TMTC1: variants seen among roughly 807,000 people sequenced by gnomAD.
TMTC1 encodes protein O-mannosyl-transferase TMTC1.
In TMTC1, 73 loss-of-function variants were observed where a neutral mutation model predicts 104.8. That is an observed-to-expected ratio of 0.70 (90% CI 0.58 to 0.85). The LOEUF (loss-of-function observed/expected upper bound fraction) is 0.85. Ranked by LOEUF, TMTC1 falls within the 40% of genes least tolerant of loss-of-function variation. The probability of loss-of-function intolerance (pLI) is 0.00; values close to 1 mark genes in which losing one functional copy is unlikely to be tolerated. For synonymous variants in TMTC1, 434 were observed against 428.7 expected (o/e 1.01, Z -0.15); for missense variants, 1,035 against 1,096.1 (o/e 0.94, Z 0.79).
At chr12:29,695,793 T>TATATATATATATATATATATATA (rs1555188366) in intron 5 of TMTC1, among the ~76,000 whole-genome samples, 7 of 83,794 alleles carry the variant, frequency 8.4e-5, no homozygotes, top group East Asian at 3.4e-4. Flanking sequence ...TACTTCCTTT[T>TATATATATATATATATATATATA]TATATATATA....
At chr12:29,702,311 A>C (rs1941616843) in intron 5 of TMTC1, among the ~76,000 whole-genome samples, 2 of 152,210 alleles carry the variant, frequency 1.3e-5, no homozygotes, top group African/African-American at 2.4e-5. Flanking sequence ...AATTTGTATT[A>C]GTTATCTCTG....
chr12:29,547,977 GAGCAGTGA>G (rs1442482547), intron 10 of TMTC1, among the ~76,000 whole-genome samples: 2 of 152,224 alleles, frequency 1.3e-5, no homozygotes, highest in African/African-American at 4.8e-5. Context: ...AAAGCTGGCA[GAGCAGTGA>G]ATGCACTAGA....
At chr12:29,512,878 A>C (rs917645022) in intron 16 of TMTC1, among the ~76,000 whole-genome samples, 3 of 152,216 alleles carry the variant, frequency 2.0e-5, no homozygotes, top group African/African-American at 7.2e-5. Context: ...TATTGCCTTT[A>C]ATTACAAAGC....
chr12:29,657,688 G>A (rs1939823797), intron 5 of TMTC1, among the ~76,000 whole-genome samples: 1 of 152,042 alleles, frequency 6.6e-6, no homozygotes, highest in Non-Finnish European at 1.5e-5. Flanking sequence ...TAAAGACAAA[G>A]AAAGAGAAGA....
At chr12:29,747,188 A>G (rs1193086858) in intron 5 of TMTC1, among the ~76,000 whole-genome samples, 1 of 152,210 alleles carries the variant, frequency 6.6e-6, no homozygotes, top group Non-Finnish European at 1.5e-5. Context: ...ATAAGATTTC[A>G]TTTAGAATTC....
At chr12:29,617,570 T>TA (rs1226273857) in intron 6 of TMTC1, among the ~76,000 whole-genome samples, 4 of 110,494 alleles carry the variant, frequency 3.6e-5, no homozygotes, top group African/African-American at 1.2e-4. Flanking sequence ...GAGAGAGAGA[T>TA]AAAAACCCTG....
intron 2 of TMTC1, among the ~76,000 whole-genome samples, chr12:29,764,651 T>C (rs545336405): frequency 1.3e-5 from 2 of 152,330 alleles, no homozygotes; most frequent in Admixed American, 6.5e-5. Context: ...GTCATGTAAA[T>C]TGTTTTGTAG....
intron 5 of TMTC1, among the ~76,000 whole-genome samples, chr12:29,704,583 G>A (rs1362020003): frequency 6.6e-6 from 1 of 152,186 alleles, no homozygotes. Context: ...CCTTGTGAGT[G>A]TATTAGAGGC....
rs10590084 is a variant in TMTC1, at chr12:29,774,025, A to AGTGT, written c.303-5954_303-5951dup. 7.2e-3 allele frequency among the ~76,000 whole-genome samples: 1,086 copies of AGTGT among 151,276 alleles called. 11 individuals carry two copies. The highest frequency in any genetic ancestry group is 0.025 in the African/African-American group (1,011 of 41,208). Reference sequence around the variant, plus strand: ...TCTCTGGGAATACAGTGGAGACATGAGTGTGTGTGTGTGTGTGTGCAGGTG... The same window carrying AGTGT: ...TCTCTGGGAATACAGTGGAGACATGAGTGTGTGTGTGTGTGTGTGTGTGCAGGTG... On this transcript the variant is annotated intron_variant, in intron 1 of 17. Coordinates refer to ENST00000539277, the MANE Select transcript of TMTC1 (RefSeq NM_001193451.2).
At chr12:29,511,361 A>G (rs1278158024) in intron 17 of TMTC1, among the ~76,000 whole-genome samples, 3 of 152,190 alleles carry the variant, frequency 2.0e-5, no homozygotes, top group African/African-American at 7.2e-5. Context: ...TTCTTGGTTC[A>G]TTACTGTATT....
chr12:29,506,928 C>G lies in TMTC1; in HGVS notation c.2567G>C (p.Ser856Thr). ...GGCAAGATTTTCCTTCAGCAGTTTG[C>G]TGTCTGGAACCAGCTGTAAGGCTCT... ...YERALQLVPD[S>T]KLLKENLAKL... Residue 856 changes from serine to threonine, a missense_variant, in exon 18 of 18, where the codon AGC (serine) becomes ACC (threonine). By Grantham distance (58) the Ser-to-Thr change is moderately conservative. Transcript: ENST00000539277. 1 of 1,614,020 alleles carries G rather than the reference C, an allele frequency of 6.2e-7. No individual in the cohort carries two copies. The highest frequency in any genetic ancestry group is 2.2e-5 in the East Asian group (1 of 44,874).
chr12:29,694,768 C>T (rs940486441), intron 5 of TMTC1, among the ~76,000 whole-genome samples: 3 of 152,044 alleles, frequency 2.0e-5, no homozygotes, highest in East Asian at 1.9e-4. Flanking sequence ...GGTGAAACAC[C>T]GTCTCTACTA....
At chr12:29,640,343 G>A (rs988354267) in intron 5 of TMTC1, among the ~76,000 whole-genome samples, 1 of 152,094 alleles carries the variant, frequency 6.6e-6, no homozygotes, top group Non-Finnish European at 1.5e-5. Context: ...CAGCGAGGGG[G>A]GGCTCACATT....
At chr12:29,714,371 T>C (rs917640461) in intron 5 of TMTC1, among the ~76,000 whole-genome samples, 3 of 152,242 alleles carry the variant, frequency 2.0e-5, no homozygotes, top group Non-Finnish European at 4.4e-5. Flanking sequence ...AAAAGACATA[T>C]ACACAGGTGT....
At chr12:29,529,434 T>G (rs185503502) in intron 11 of TMTC1, among the ~76,000 whole-genome samples, 2 of 152,316 alleles carry the variant, frequency 1.3e-5, no homozygotes, top group African/African-American at 4.8e-5. Context: ...CTCTAATCAA[T>G]AATTTAAAGC....
chr12:29,619,664 A>G (rs945590952), intron 6 of TMTC1, among the ~76,000 whole-genome samples: 3 of 152,242 alleles, frequency 2.0e-5, no homozygotes, highest in Non-Finnish European at 4.4e-5. Flanking sequence ...ATACCACTAA[A>G]GCCATCCATA....
At chr12:29,677,284 G>T (rs752091503) in intron 5 of TMTC1, among the ~76,000 whole-genome samples, 2 of 151,990 alleles carry the variant, frequency 1.3e-5, no homozygotes, top group Non-Finnish European at 2.9e-5. Flanking sequence ...TGATTTTTTT[G>T]TTGTTGTTTA....
intron 2 of TMTC1, among the ~76,000 whole-genome samples, chr12:29,762,352 G>A (rs1270928609): frequency 6.6e-6 from 1 of 152,182 alleles, no homozygotes; most frequent in Non-Finnish European, 1.5e-5. Flanking sequence ...CTGGATAAAT[G>A]CTGGTGCACT....
chr12:29,730,176 T>C (rs1421404315), intron 5 of TMTC1, among the ~76,000 whole-genome samples: 5 of 152,230 alleles, frequency 3.3e-5, no homozygotes, highest in Admixed American at 1.3e-4. Flanking sequence ...GAAAATATTT[T>C]ACCTGACAAA....
Sources: gnomAD v4.1 joint callset for allele counts (sites outside exome capture counted in the v4.1 genomes callset) on GRCh38, gnomAD v4.1.1 for gene constraint, MANE v1.5 for transcripts, NCBI Gene and HGNC (gene_info 2026-07-23, HGNC 2026-07-21) for gene names.